LY9: variants seen among roughly 807,000 people sequenced by gnomAD.
The protein encoded by LY9 is lymphocyte antigen 9.
In LY9, 59 loss-of-function variants were observed where a neutral mutation model predicts 64.6. The observed-to-expected ratio is 0.91, with a 90% CI of 0.74 to 1.13. The LOEUF is 1.13. LY9 is among the 50% of genes most tolerant of loss of function. The pLI is 0.00. For synonymous variants in LY9, 281 were observed against 308.5 expected (o/e 0.91, Z 0.93); for missense variants, 789 against 797.2 (o/e 0.99, Z 0.12).
chr1:160,796,454 G>C lies in LY9; in HGVS notation c.124+143G>C. ...TGTTGCCAGGCTGGAGTGAAGTGGC[G>C]CAATCTCGGCTCACTGCAACCTCCA... On this transcript the variant is annotated intron_variant, in intron 1 of 9. Transcript: ENST00000263285. 9 of 1,011,478 alleles carry C rather than the reference G, an allele frequency of 8.9e-6. 1 individual carries two copies. The South Asian group carries it at 1.4e-4, about 16-fold the overall frequency. The allele number at this position is 1,011,478 out of a possible 1,614,324, so 62.7% of individuals were successfully genotyped here.
rs148887533 is a variant in LY9 at position 160,809,776 on chromosome 1, A to G, written c.455-3860A>G. ...TTCCTTATATTCTCAATAACAAAGT[A>G]TTGTCAAACATTTCTTTGTTGATAA... On this transcript the variant is annotated intron_variant, in intron 2 of 9. Transcript: ENST00000263285. 2.0e-5 allele frequency: 3 copies of G among 152,334 alleles called. No homozygotes were observed. In the East Asian group the frequency reaches 5.8e-4, roughly 29 times the overall value. 9.4% of individuals were successfully genotyped at this position (152,334 alleles called of 1,614,324 possible). A position where few individuals can be genotyped will look rare whatever the true frequency, so the allele number is the denominator to read the frequency against.
Position 160,814,571 on chromosome 1 carries a change from A to G in LY9, c.882A>G (p.Glu294=). Residue 294 remains glutamate (E), a synonymous_variant, in exon 4 of 10, where the codon GAA becomes GAG. Coordinates refer to ENST00000263285, the MANE Select transcript of LY9 (RefSeq NM_002348.4). ...CATCCATCATTAGCAAAGAGAGGGA[A>G]GAAGCAGCAACGGCAGATCCACTCA... is the stretch of plus-strand genomic sequence containing the variant. ...FNTSIISKER[E]EAATADPLIK... is the part of the protein sequence containing the mutation. The G allele has an allele frequency of 1.2e-6, 2 of 1,614,164 alleles. No homozygotes were observed. The highest frequency in any genetic ancestry group is 1.7e-6 in the Non-Finnish European group (2 of 1,180,022).
intron 2 of LY9, chr1:160,810,563 A>T (rs1667394062): frequency 6.6e-6 from 1 of 152,188 alleles, no homozygotes; most frequent in Non-Finnish European, 1.5e-5. Context: ...CTCCAAATAC[A>T]GTCACATTCA....
chr1:160,821,621 C>T (rs571841), intron 7 of LY9, among the ~76,000 whole-genome samples: 80,222 of 151,980 alleles, frequency 0.53, 22,140 homozygotes, highest in East Asian at 0.71. Flanking sequence ...CTCTAAAACC[C>T]TCAATAGCCC....
rs141781599 is a variant in LY9 at position 160,823,351 on chromosome 1, C to T, written c.1499-114C>T. On this transcript the variant is annotated intron_variant, in intron 7 of 9. Transcript: ENST00000263285. Reference sequence around the variant, plus strand: ...GAAGACAGGACAAAACAATCTCCTTCGGTTCTCTAGGCCTCATCTAATGCA... The same window carrying T: ...GAAGACAGGACAAAACAATCTCCTTTGGTTCTCTAGGCCTCATCTAATGCA... 1,372 of 689,214 alleles carry T rather than the reference C, an allele frequency of 2.0e-3. 11 individuals are homozygous for T. In the African/African-American group the frequency reaches 0.021, roughly 11 times the overall value. 42.7% of individuals were successfully genotyped at this position (689,214 alleles called of 1,614,324 possible).
chr1:160,798,186 G>T lies in LY9; in HGVS notation c.125-1567G>T, dbSNP rs536543311. Reference sequence around the variant, plus strand: ...AGGCTTTTGTTTATGGTTTTTGTCTGATGTAAGAAAATTTGAAGTCAAAAC... The same window carrying T: ...AGGCTTTTGTTTATGGTTTTTGTCTTATGTAAGAAAATTTGAAGTCAAAAC... On this transcript the variant is annotated intron_variant, in intron 1 of 9. Transcript: ENST00000263285. Among the ~76,000 whole-genome samples the T allele has an allele frequency of 3.2e-3, 494 of 152,168 alleles. 2 individuals carry two copies. The highest frequency in any genetic ancestry group is 0.011 in the African/African-American group (471 of 41,520).
chr1:160,800,120 T>C (rs774497050), intron 2 of LY9, 38 bp downstream of exon 2: 1 of 1,528,692 alleles, frequency 6.5e-7, no homozygotes, highest in South Asian at 1.2e-5. Context: ...GATCTTTTCT[T>C]TTTTTTATTT....
Position 160,814,752 on chromosome 1 carries a change from C to T in LY9, c.1063C>T (p.Leu355Phe). ...SVTSMTHVTL[L>F]IYRRLRKPKI... ...CACCAGCATGACACATGTCACCCTG[C>T]TCATCTACCGTGAGTCTCTGGGCAG... Residue 355 changes from leucine to phenylalanine, a missense_variant, in exon 4 of 10, where the codon CTC becomes TTC. Leu to Phe is a conservative substitution (Grantham distance 22, BLOSUM62 0). Coordinates refer to ENST00000263285, the MANE Select transcript of LY9 (RefSeq NM_002348.4). The T allele has an allele frequency of 1.9e-6, 3 of 1,612,374 alleles. No homozygotes were observed. Among genetic ancestry groups the T allele is most frequent in the Non-Finnish European group, 2.5e-6 (3 of 1,179,056 alleles).
Position 160,796,194 on chromosome 1 carries a change from G to A in LY9, c.7G>A (p.Ala3Thr), listed in dbSNP as rs760428080. The change falls in exon 1 of 10, where the codon GCA (alanine) becomes ACA (threonine). Residue 3 changes from alanine to threonine, a missense_variant. Coordinates refer to ENST00000263285, the MANE Select transcript of LY9 (RefSeq NM_002348.4). ...GTTCTGAAAATAGATCATCATGGTGGCACCAAAGAGTCACACAGATGACTG... is the reference window on the plus strand; with the variant it reads ...GTTCTGAAAATAGATCATCATGGTGACACCAAAGAGTCACACAGATGACTG... MV[A>T]PKSHTDDWAP... is the part of the protein sequence containing the mutation. 2.5e-5 allele frequency: 40 copies of A among 1,613,698 alleles called. No individual in the cohort carries two copies. The highest frequency in any genetic ancestry group is 3.1e-5 in the Non-Finnish European group (36 of 1,179,934).
intron 2 of LY9, chr1:160,802,118 T>A (rs1666554648): frequency 3.6e-6 from 5 of 1,374,424 alleles, no homozygotes; most frequent in Admixed American, 6.4e-5. Context: ...GCCGCCAACT[T>A]GGAGACTCCT....
chr1:160,804,686 G>T (rs1361868947), intron 2 of LY9, among the ~76,000 whole-genome samples: 1 of 152,052 alleles, frequency 6.6e-6, no homozygotes, highest in Non-Finnish European at 1.5e-5. Context: ...TTGTATATTT[G>T]GTAGAATTTG....
chr1:160,827,574 C>A (rs1350155892), intron 9 of LY9, among the ~76,000 whole-genome samples, 174 bp from the exon 10 acceptor site: 1 of 152,166 alleles, frequency 6.6e-6, no homozygotes, highest in Non-Finnish European at 1.5e-5. Flanking sequence ...CTATTAGGAG[C>A]CTCCATAAAT....
intron 2 of LY9, among the ~76,000 whole-genome samples, chr1:160,806,843 C>T (rs1351989784): frequency 6.6e-6 from 1 of 152,166 alleles, no homozygotes; most frequent in African/African-American, 2.4e-5. Flanking sequence ...TCTTTGCCCT[C>T]AGGGATGAAA....
chr1:160,796,298 C>A lies in LY9; in HGVS notation c.111C>A (p.Leu37=). 1 of 1,613,104 alleles carries A rather than the reference C, an allele frequency of 6.2e-7. No homozygotes were observed. The change falls in exon 1 of 10, where the codon CTC becomes CTA. Residue 37 remains leucine, a synonymous_variant. Transcript: ENST00000263285. The part of the protein sequence containing the change: ...IFSSVLQTSL[L]FLLMGLRASG... ...CTTCTGTTCTACAGACCTCTCTCCT[C>A]TTCCTGCTCATGGGTAAGTCCACTT...
In LY9 at chr1:160,816,999, T is replaced by C. The variant is rs1571034069; in HGVS notation, c.1342+136T>C. On this transcript the variant is annotated intron_variant, in intron 5 of 9. Transcript: ENST00000263285. ...TTAGAGTGGCATGCTTCCACAGATA[T>C]ATGAGAGTCACGCATGTGATTTTAA... is the stretch of plus-strand genomic sequence containing the variant. 11 of 748,376 alleles carry C rather than the reference T, an allele frequency of 1.5e-5. No homozygotes were observed. In the East Asian group the frequency reaches 2.0e-4, roughly 14 times the overall value. The allele number at this position is 748,376 out of a possible 1,614,324, so 46.4% of individuals were successfully genotyped here. A position where few individuals can be genotyped will look rare whatever the true frequency, so the allele number is the denominator to read the frequency against.
At position 160,819,396 on chromosome 1, in the gene LY9, G is replaced by A. The variant is rs1255975896; in HGVS notation, c.1498+22G>A. The A allele has an allele frequency of 6.9e-6, 11 of 1,604,398 alleles. No individual in the cohort carries two copies. The African/African-American group carries it at 1.1e-4, about 16-fold the overall frequency. ...CCAGGTAACATCACCCATGACACAG[G>A]CTATGGGGTATCTGGTCCAAATGGA... On this transcript the variant is annotated intron_variant, in intron 7 of 9. Coordinates refer to ENST00000263285, the MANE Select transcript of LY9 (RefSeq NM_002348.4).
rs746087548 is a variant in LY9 at position 160,799,823 on chromosome 1, C to T, written c.195C>T (p.Leu65=). The T allele has an allele frequency of 3.7e-6, 6 of 1,613,984 alleles. No individual in the cohort carries two copies. Among genetic ancestry groups the T allele is most frequent in the Non-Finnish European group, 5.1e-6 (6 of 1,179,964 alleles). The change falls in exon 2 of 10, where the codon CTC becomes CTT. Residue 65 remains leucine (L), a synonymous_variant. Coordinates refer to ENST00000263285, the MANE Select transcript of LY9 (RefSeq NM_002348.4). ...GGATCCTAGGGGGTTCCGTGACTCT[C>T]CCCCTAAACATCTCAGTAGACACAG... ...VSGILGGSVT[L]PLNISVDTEI... is the part of the protein sequence containing the mutation.
intron 4 of LY9, 96 bp downstream of exon 4, chr1:160,814,857 C>G: frequency 1.0e-6 from 1 of 1,002,138 alleles, no homozygotes; most frequent in Non-Finnish European, 1.5e-6. Context: ...AAGGGTCTTC[C>G]CTCATACTGA....
chr1:160,820,473 C>T (rs138759853), intron 7 of LY9, among the ~76,000 whole-genome samples: 89 of 152,256 alleles, frequency 5.8e-4, no homozygotes, highest in African/African-American at 2.0e-3. Flanking sequence ...AGGGATTCCC[C>T]ATGGAGATGG....
Sources: allele counts gnomAD v4.1 joint callset (sites outside exome capture counted in the v4.1 genomes callset), GRCh38; gene constraint gnomAD v4.1.1; transcripts MANE v1.5; gene names NCBI Gene and HGNC (gene_info 2026-07-23, HGNC 2026-07-21).